The following NF1 variants were observed in gnomAD, a reference collection of about 807,000 sequenced individuals.
NF1 encodes the protein neurofibromin 1.
In NF1, 122 loss-of-function variants were observed where a neutral mutation model predicts 325.7. That is an observed-to-expected ratio of 0.37 (90% CI 0.32 to 0.44). The LOEUF is 0.44. Ranked by LOEUF, NF1 falls within the 20% of genes least tolerant of loss-of-function variation. The pLI is 1.00. For missense variants in NF1, 2,140 were observed against 3,415.4 expected, an observed-to-expected ratio of 0.63 and a Z score of 9.31; for synonymous variants, 1,091 against 1,186.0, an observed-to-expected ratio of 0.92 and a Z score of 1.65.
At chr17:31,202,405 G>GGAT (rs770781426) in intron 11 of NF1, among the ~76,000 whole-genome samples, 1 of 152,088 alleles carries the variant, frequency 6.6e-6, no homozygotes, top group Non-Finnish European at 1.5e-5. Context: ...CATTTGCCCT[G>GGAT]GATGTTGTAT....
At chr17:31,360,204 C>T (rs2070366904) in intron 56 of NF1, 2 of 440,374 alleles carry the variant, frequency 4.5e-6, no homozygotes, top group South Asian at 4.4e-5. Context: ...ATTGGCTAGA[C>T]ATCATTCCTG....
chr17:31,332,577 T>G lies in NF1; in HGVS notation c.5812+2079T>G, dbSNP rs553075062. Among the ~76,000 whole-genome samples the G allele has an allele frequency of 8.8e-5, 9 of 102,124 alleles. 1 individual carries two copies. Among genetic ancestry groups the G allele is most frequent in the African/African-American group, 2.0e-4 (7 of 35,770 alleles). 67.0% of individuals were successfully genotyped at this position (102,124 alleles called of 152,430 possible). On this transcript the variant is annotated intron_variant, in intron 39 of 57. Coordinates refer to ENST00000358273, the MANE Select transcript of NF1 (RefSeq NM_001042492.3). ...TAACAGTAACATACAGATCATGGTT[T>G]TTTTTTTTTTTTTATTATACTCTAA...
chr17:31,253,059 C>A (rs2067522482), intron 31 of NF1, 59 bp downstream of exon 31: 2 of 1,393,584 alleles, frequency 1.4e-6, no homozygotes, highest in Non-Finnish European at 2.0e-6. Context: ...AAATCTTTTG[C>A]TGTTTGTTAA....
At chr17:31,200,937 C>T in intron 9 of NF1, 100 bp from the exon 10 acceptor site, 1 of 1,530,182 alleles carries the variant, frequency 6.5e-7, no homozygotes, top group Non-Finnish European at 9.0e-7. Context: ...CTGGATTTTA[C>T]TGCCATTTGT....
intron 57 of NF1, among the ~76,000 whole-genome samples, chr17:31,371,225 A>G (rs1309903187): frequency 6.6e-6 from 1 of 152,196 alleles, no homozygotes; most frequent in Non-Finnish European, 1.5e-5. Flanking sequence ...ATGAATAATA[A>G]TGATCTTTAC....
intron 1 of NF1, among the ~76,000 whole-genome samples, chr17:31,147,743 C>T (rs1439363623): frequency 1.3e-5 from 2 of 152,192 alleles, no homozygotes; most frequent in East Asian, 1.9e-4. Context: ...TTACTAAGGT[C>T]TCCACTAGCA....
chr17:31,154,696 ATGC>A (rs1239157738), intron 1 of NF1, among the ~76,000 whole-genome samples: 1 of 148,836 alleles, frequency 6.7e-6, no homozygotes, highest in Non-Finnish European at 1.5e-5. Context: ...CACTCTAAAA[ATGC>A]TGCCCCACCC....
At chr17:31,250,067 T>G (rs181009093) in intron 30 of NF1, 96 of 488,244 alleles carry the variant, frequency 2.0e-4, no homozygotes, top group African/African-American at 1.4e-3. Context: ...TATGTGAATT[T>G]TTTCACCATT....
intron 4 of NF1, among the ~76,000 whole-genome samples, chr17:31,166,025 C>T (rs1351305123): frequency 6.6e-6 from 1 of 152,124 alleles, no homozygotes; most frequent in African/African-American, 2.4e-5. Context: ...TTATTTTTCT[C>T]TGGGAGTATA....
chr17:31,154,335 A>G (rs774537731), intron 1 of NF1, among the ~76,000 whole-genome samples: 18 of 152,092 alleles, frequency 1.2e-4, no homozygotes, highest in African/African-American at 1.7e-4. Flanking sequence ...GGGATTACAA[A>G]TGTGAGCCAC....
chr17:31,236,055 T>TG (rs2067197025), intron 29 of NF1, 34 bp downstream of exon 29: 1 of 1,152,954 alleles, frequency 8.7e-7, no homozygotes, highest in African/African-American at 5.3e-5. Context: ...CCGCTGTTTT[T>TG]TGTTTTTTTT....
intron 1 of NF1, among the ~76,000 whole-genome samples, chr17:31,119,863 G>C (rs1164986838): frequency 6.6e-6 from 1 of 152,198 alleles, no homozygotes; most frequent in Non-Finnish European, 1.5e-5. Flanking sequence ...TTATTAAATA[G>C]GGAATCCTTT....
chr17:31,100,326 A>G (rs1377313887), intron 1 of NF1, among the ~76,000 whole-genome samples: 1 of 152,158 alleles, frequency 6.6e-6, no homozygotes, highest in African/African-American at 2.4e-5. Context: ...GATTTGCAAA[A>G]CTGAAGCTTT....
chr17:31,191,060 A>G (rs945293014), intron 8 of NF1, among the ~76,000 whole-genome samples: 3 of 152,236 alleles, frequency 2.0e-5, no homozygotes, highest in Admixed American at 2.0e-4. Flanking sequence ...TCGTACCTCA[A>G]TAAAGCTGAA....
intron 14 of NF1, among the ~76,000 whole-genome samples, chr17:31,221,096 G>A (rs2066913443): frequency 6.6e-6 from 1 of 152,200 alleles, no homozygotes; most frequent in East Asian, 1.9e-4. Context: ...TGGGTTGGGG[G>A]TGGAGGGATG....
intron 51 of NF1, among the ~76,000 whole-genome samples, chr17:31,355,412 C>T (rs535032615): frequency 4.7e-4 from 71 of 151,908 alleles, no homozygotes; most frequent in Non-Finnish European, 9.3e-4. Flanking sequence ...GGACTAGATC[C>T]CTTTGGACTG....
chr17:31,153,760 C>T (rs908382510), intron 1 of NF1, among the ~76,000 whole-genome samples: 2 of 150,760 alleles, frequency 1.3e-5, no homozygotes, highest in African/African-American at 4.9e-5. Context: ...CAGGCACACA[C>T]TACCAAGCCT....
intron 36 of NF1, among the ~76,000 whole-genome samples, chr17:31,289,765 C>T (rs988800468): frequency 6.6e-6 from 1 of 151,992 alleles, no homozygotes; most frequent in African/African-American, 2.4e-5. Flanking sequence ...TGTGATTTAC[C>T]TATAGGCAAA....
intron 36 of NF1, among the ~76,000 whole-genome samples, chr17:31,277,840 CTG>C (rs1555620930): frequency 2.0e-5 from 3 of 152,230 alleles, no homozygotes. Flanking sequence ...TAGTATCACA[CTG>C]TCTCTTAAGA....
Sources: gnomAD v4.1 joint callset for allele counts (sites outside exome capture counted in the v4.1 genomes callset) on GRCh38, gnomAD v4.1.1 for gene constraint, MANE v1.5 for transcripts, NCBI Gene and HGNC (gene_info 2026-07-23, HGNC 2026-07-21) for gene names.